The following ADGRL3 variants were observed in gnomAD, a reference collection of about 807,000 sequenced individuals.
The protein encoded by ADGRL3 is adhesion G protein-coupled receptor L3, also known as calcium-independent alpha-latrotoxin receptor 3.
In ADGRL3, 62 loss-of-function variants were observed where a neutral mutation model predicts 153.5. That is an observed-to-expected ratio of 0.40 (90% confidence interval 0.33 to 0.50). The LOEUF is 0.50. Ranked by LOEUF, ADGRL3 falls within the 20% of genes least tolerant of loss-of-function variation. ADGRL3 has a pLI of 0.47. For synonymous variants in ADGRL3, 710 were observed against 672.5 expected (o/e 1.06, Z -0.86); for missense variants, 1,641 against 1,859.4 (o/e 0.88, Z 2.16).
intron 6 of ADGRL3, among the ~76,000 whole-genome samples, chr4:61,708,633 G>A (rs2151428178): frequency 1.3e-5 from 2 of 151,938 alleles, no homozygotes; most frequent in South Asian, 4.2e-4. Flanking sequence ...TGGGTTTACT[G>A]CACAGATCAG....
intron 5 of ADGRL3, among the ~76,000 whole-genome samples, chr4:61,640,571 T>C (rs1241355601): frequency 6.6e-6 from 1 of 152,212 alleles, no homozygotes; most frequent in Admixed American, 6.5e-5. Flanking sequence ...TGTGGAATAG[T>C]TCTATGATGG....
Position 61,922,972 on chromosome 4 carries a change from C to T in ADGRL3, c.2112+10215C>T, listed in dbSNP as rs550666783. 6.6e-5 allele frequency among the ~76,000 whole-genome samples: 10 copies of T among 152,226 alleles called. No individual in the cohort carries two copies. In the South Asian group the frequency reaches 1.5e-3, roughly 22 times the overall value. Reference sequence around the variant, plus strand: ...GACCTTTTGATTACTTCACTTCGTGCGGATCAGGGAAGACTTTCTAAGGAA... The same window carrying T: ...GACCTTTTGATTACTTCACTTCGTGTGGATCAGGGAAGACTTTCTAAGGAA... On this transcript the variant is annotated intron_variant, in intron 13 of 26. Transcript: ENST00000683033.
At chr4:61,880,715 C>A (rs2098503860) in intron 9 of ADGRL3, among the ~76,000 whole-genome samples, 1 of 152,130 alleles carries the variant, frequency 6.6e-6, no homozygotes, top group East Asian at 1.9e-4. Flanking sequence ...ACTCTGTACG[C>A]TGATTATTAA....
chr4:61,837,545 A>G (rs1424869969), intron 9 of ADGRL3, among the ~76,000 whole-genome samples: 1 of 152,052 alleles, frequency 6.6e-6, no homozygotes, highest in East Asian at 1.9e-4. Flanking sequence ...TGTCTTCCTT[A>G]GGGCATTAAA....
At chr4:61,321,536 G>A (rs905462216) in intron 1 of ADGRL3, among the ~76,000 whole-genome samples, 8 of 151,232 alleles carry the variant, frequency 5.3e-5, no homozygotes, top group Non-Finnish European at 1.0e-4. Flanking sequence ...GTCCTGAAGC[G>A]ATTTCATCAT....
At chr4:61,966,262 A>G (rs910675440) in intron 17 of ADGRL3, among the ~76,000 whole-genome samples, 1 of 152,152 alleles carries the variant, frequency 6.6e-6, no homozygotes, top group Non-Finnish European at 1.5e-5. Flanking sequence ...TGAATCTACC[A>G]AAATTTTATT....
chr4:61,484,329 T>C (rs2098166215), intron 2 of ADGRL3, among the ~76,000 whole-genome samples: 1 of 152,210 alleles, frequency 6.6e-6, no homozygotes, highest in Admixed American at 6.5e-5. Flanking sequence ...GAGATGTTTT[T>C]GACTGCAAAG....
In ADGRL3 at chr4:61,369,019, G is replaced by A. The variant is rs1242383963; in HGVS notation, c.-239-14105G>A. Among the ~76,000 whole-genome samples, 12 of 152,194 alleles carry A rather than the reference G, an allele frequency of 7.9e-5. No individual in the cohort carries two copies. In the East Asian group the frequency reaches 2.3e-3, roughly 29 times the overall value. ...GTGAATGGGAGTTCACTCATTATTT[G>A]GCTCTCTGTTTGTCTGTTGTTGGTG... On this transcript the variant is annotated intron_variant, in intron 1 of 26. Coordinates refer to ENST00000683033, the MANE Select transcript of ADGRL3 (RefSeq NM_001387552.1).
intron 9 of ADGRL3, among the ~76,000 whole-genome samples, chr4:61,880,602 T>G (rs2098503231): frequency 6.6e-6 from 1 of 152,202 alleles, no homozygotes; most frequent in Non-Finnish European, 1.5e-5. Flanking sequence ...GCAGGTAGTA[T>G]AAGGAAAACA....
chr4:61,429,340 A>C (rs1201192503), intron 2 of ADGRL3, among the ~76,000 whole-genome samples: 1 of 152,202 alleles, frequency 6.6e-6, no homozygotes, highest in Admixed American at 6.5e-5. Flanking sequence ...CTAGAAAAGA[A>C]AGGTGGGTAG....
At chr4:61,971,444 G>A (rs2099027255) in intron 17 of ADGRL3, among the ~76,000 whole-genome samples, 1 of 152,088 alleles carries the variant, frequency 6.6e-6, no homozygotes, top group Non-Finnish European at 1.5e-5. Context: ...TACTGAGAAT[G>A]ATGATTTCCA....
At chr4:61,358,470 G>A (rs576949981) in intron 1 of ADGRL3, among the ~76,000 whole-genome samples, 40 of 151,942 alleles carry the variant, frequency 2.6e-4, no homozygotes, top group African/African-American at 8.9e-4. Context: ...GGTGGCGGGC[G>A]CCTGTAGTCC....
chr4:61,552,392 C>T (rs1020589186), intron 4 of ADGRL3, among the ~76,000 whole-genome samples: 5 of 152,154 alleles, frequency 3.3e-5, no homozygotes, highest in African/African-American at 1.2e-4. Context: ...GTGAGTACCA[C>T]AAAACAGACT....
intron 5 of ADGRL3, among the ~76,000 whole-genome samples, chr4:61,587,826 G>GA (rs1190962825): frequency 6.6e-6 from 1 of 151,648 alleles, no homozygotes; most frequent in East Asian, 1.9e-4. Context: ...ACAATGTAGG[G>GA]AAAAAAAGAA....
intron 8 of ADGRL3, among the ~76,000 whole-genome samples, chr4:61,779,609 C>T (rs970352961): frequency 2.6e-5 from 3 of 114,956 alleles, no homozygotes; most frequent in African/African-American, 3.5e-5. Flanking sequence ...CACCCAGCCT[C>T]GGTGCTGCAG....
chr4:61,494,854 A>G (rs929043099), intron 2 of ADGRL3, among the ~76,000 whole-genome samples: 2 of 152,284 alleles, frequency 1.3e-5, no homozygotes, highest in Admixed American at 6.5e-5. Context: ...ATCAATAAAT[A>G]TTTTTTAGTT....
chr4:61,647,874 A>G (rs1386637222), intron 5 of ADGRL3, among the ~76,000 whole-genome samples: 3 of 152,106 alleles, frequency 2.0e-5, no homozygotes, highest in Non-Finnish European at 4.4e-5. Flanking sequence ...ATGGCCTCTC[A>G]GATATTGGAT....
chr4:62,048,746 T>C (rs772596507), intron 25 of ADGRL3, among the ~76,000 whole-genome samples: 2 of 151,244 alleles, frequency 1.3e-5, no homozygotes, highest in African/African-American at 2.4e-5. Context: ...AGGGATAGGG[T>C]TTTGCCGTGT....
intron 1 of ADGRL3, among the ~76,000 whole-genome samples, chr4:61,248,865 C>T (rs866119648): frequency 3.9e-5 from 6 of 152,208 alleles, no homozygotes; most frequent in South Asian, 2.1e-4. Context: ...GCTTGTTTAT[C>T]GAGCTACACC....
Sources: allele counts gnomAD v4.1 joint callset (sites outside exome capture counted in the v4.1 genomes callset), GRCh38; gene constraint gnomAD v4.1.1; transcripts MANE v1.5; gene names NCBI Gene and HGNC (gene_info 2026-07-23, HGNC 2026-07-21).